The following TESK2 variants were observed in gnomAD, a reference collection of about 807,000 sequenced individuals.
The protein encoded by TESK2 is testis associated actin remodelling kinase 2.
TESK2 carries 39 observed loss-of-function variants against 57.1 expected under a neutral mutation model. The ratio of observed to expected loss-of-function variants is 0.68; its 90% confidence interval spans 0.53 to 0.89. The LOEUF (loss-of-function observed/expected upper bound fraction) is 0.89. Ranked by LOEUF, TESK2 falls within the 40% of genes least tolerant of loss-of-function variation. TESK2 has a pLI of 0.00. For synonymous variants in TESK2, 249 were observed against 267.9 expected (o/e 0.93, Z 0.69); for missense variants, 646 against 732.1 (o/e 0.88, Z 1.36).
At chr1:45,441,429 G>A (rs990349337) in intron 2 of TESK2, among the ~76,000 whole-genome samples, 1 of 151,858 alleles carries the variant, frequency 6.6e-6, no homozygotes, top group South Asian at 2.1e-4. Flanking sequence ...CGCCTGCCTC[G>A]TCCTCCCAGT....
intron 4 of TESK2, among the ~76,000 whole-genome samples, chr1:45,365,664 C>T (rs552683546): frequency 6.7e-6 from 1 of 150,216 alleles, no homozygotes; most frequent in East Asian, 2.0e-4. Context: ...CAGGCGTGCA[C>T]CACCACGCCC....
At chr1:45,433,717 G>A (rs1457003594) in intron 2 of TESK2, among the ~76,000 whole-genome samples, 3 of 152,024 alleles carry the variant, frequency 2.0e-5, no homozygotes, top group Non-Finnish European at 1.5e-5. Context: ...CCATATATTT[G>A]CTACTGTGAA....
At position 45,345,309 on chromosome 1, in the gene TESK2, A is replaced by G. The variant is rs1215440243; in HGVS notation, c.1247T>C (p.Phe416Ser). The change falls in exon 11 of 11, where the codon TTT (phenylalanine) becomes TCT (serine). Residue 416 changes from phenylalanine to serine, a missense_variant. Physicochemically the swap from Phe to Ser is radical, Grantham distance 155. Coordinates refer to ENST00000372086, the MANE Select transcript of TESK2 (RefSeq NM_007170.3). ...GATGACAGACTTGCTGGGCAGGTCA[A>G]AAAACTTGATCTTGCCCCCCATGAG... ...QDLMGGKIKFFDLPSKSVISL... is the reference protein window; with the variant it reads ...QDLMGGKIKFSDLPSKSVISL... The G allele has an allele frequency of 2.5e-6, 4 of 1,614,052 alleles. No homozygotes were observed. Among genetic ancestry groups the G allele is most frequent in the Non-Finnish European group, 3.4e-6 (4 of 1,180,034 alleles).
At chr1:45,453,353 A>T (rs1033737027) in intron 2 of TESK2, among the ~76,000 whole-genome samples, 1 of 151,368 alleles carries the variant, frequency 6.6e-6, no homozygotes, top group African/African-American at 2.4e-5. Context: ...AAAAAAAAAA[A>T]AAAAAAAAAA....
intron 5 of TESK2, among the ~76,000 whole-genome samples, chr1:45,353,118 G>T (rs1268713703): frequency 2.0e-5 from 3 of 151,982 alleles, no homozygotes; most frequent in Admixed American, 6.6e-5. Flanking sequence ...GGCTGGTCTT[G>T]AACTCCTGAC....
chr1:45,396,492 C>T (rs1649363649), intron 3 of TESK2, among the ~76,000 whole-genome samples: 1 of 151,836 alleles, frequency 6.6e-6, no homozygotes, highest in East Asian at 1.9e-4. Context: ...TATGAGATAA[C>T]TCTTTTTTTT....
At chr1:45,390,921 CT>C (rs776953314) in intron 3 of TESK2, among the ~76,000 whole-genome samples, 234 of 128,994 alleles carry the variant, frequency 1.8e-3, no homozygotes, top group Admixed American at 2.2e-3. Context: ...AGCTACATTT[CT>C]TTTTTTTTTT....
chr1:45,403,648 A>G (rs1472708507), intron 3 of TESK2, among the ~76,000 whole-genome samples: 1 of 152,176 alleles, frequency 6.6e-6, no homozygotes, highest in Non-Finnish European at 1.5e-5. Flanking sequence ...AATCAAGTTC[A>G]TGGTCCAATT....
chr1:45,471,526 C>T (rs2149304422), intron 1 of TESK2, among the ~76,000 whole-genome samples: 1 of 152,046 alleles, frequency 6.6e-6, no homozygotes, highest in East Asian at 2.0e-4. Flanking sequence ...CTGCCTCCAC[C>T]TCCCGAGTGG....
chr1:45,418,890 T>A (rs1173437588), intron 3 of TESK2, among the ~76,000 whole-genome samples: 1 of 151,966 alleles, frequency 6.6e-6, no homozygotes, highest in Non-Finnish European at 1.5e-5. Context: ...CATAAGCAGA[T>A]ATACTTACTA....
intron 4 of TESK2, among the ~76,000 whole-genome samples, chr1:45,360,018 T>C (rs1231516025): frequency 1.3e-5 from 2 of 152,130 alleles, no homozygotes; most frequent in South Asian, 2.1e-4. Flanking sequence ...TCGGACCAGT[T>C]TTGGCAAGAC....
At chr1:45,373,024 G>A (rs1244376315) in intron 4 of TESK2, among the ~76,000 whole-genome samples, 3 of 121,832 alleles carry the variant, frequency 2.5e-5, no homozygotes, top group Admixed American at 9.0e-5. Context: ...GCGAATCTCC[G>A]TCTCAAAAAA....
chr1:45,395,859 T>G (rs1055599078), intron 3 of TESK2, among the ~76,000 whole-genome samples: 3 of 152,212 alleles, frequency 2.0e-5, no homozygotes, highest in African/African-American at 7.2e-5. Flanking sequence ...CACAAGCTTC[T>G]TAACAGCAAG....
At position 45,369,739 on chromosome 1, in the gene TESK2, T is replaced by G. The variant is rs564900351; in HGVS notation, c.394-14290A>C. ...TTCTTTTTTTTTTTTTGAGATGGAG[T>G]CTTGCTCTATCACCCAGGCTGGAGT... is the stretch of plus-strand genomic sequence containing the variant. On this transcript the variant is annotated intron_variant, in intron 4 of 10. Transcript: ENST00000372086. Among the ~76,000 whole-genome samples the G allele has an allele frequency of 2.5e-4, 37 of 147,944 alleles. 1 individual carries two copies. The highest frequency in any genetic ancestry group is 9.2e-4 in the African/African-American group (37 of 40,112).
intron 1 of TESK2, among the ~76,000 whole-genome samples, chr1:45,458,494 C>G (rs11582197): frequency 0.21 from 31,870 of 150,964 alleles, 3,698 homozygotes; most frequent in Non-Finnish European, 0.27. Context: ...GAACCCAGGA[C>G]GCAGGGGTTG....
chr1:45,371,228 T>C (rs1409199311), intron 4 of TESK2, among the ~76,000 whole-genome samples: 2 of 152,148 alleles, frequency 1.3e-5, no homozygotes, highest in African/African-American at 2.4e-5. Flanking sequence ...AGAACTACTA[T>C]ATGGTCCAGC....
intron 2 of TESK2, among the ~76,000 whole-genome samples, chr1:45,448,955 T>G (rs1404273965): frequency 6.6e-6 from 1 of 152,140 alleles, no homozygotes; most frequent in Non-Finnish European, 1.5e-5. Context: ...CAGGGTGCAG[T>G]GGCTCACGCC....
At chr1:45,352,276 G>T (rs1241053183) in intron 5 of TESK2, among the ~76,000 whole-genome samples, 1 of 152,188 alleles carries the variant, frequency 6.6e-6, no homozygotes, top group Non-Finnish European at 1.5e-5. Flanking sequence ...CCGGACCCAA[G>T]AAAGTACAGC....
intron 1 of TESK2, among the ~76,000 whole-genome samples, chr1:45,468,565 T>C (rs901323796): frequency 1.3e-5 from 2 of 152,208 alleles, no homozygotes; most frequent in African/African-American, 4.8e-5. Flanking sequence ...AGAAAATACA[T>C]TATTTCAAAT....
Sources: gnomAD v4.1 joint callset for allele counts (sites outside exome capture counted in the v4.1 genomes callset) on GRCh38, gnomAD v4.1.1 for gene constraint, MANE v1.5 for transcripts, NCBI Gene and HGNC (gene_info 2026-07-23, HGNC 2026-07-21) for gene names.